Variants in CFAP299 observed in about 807,000 individuals in gnomAD.
CFAP299 encodes the protein cilia and flagella associated protein 299.
In CFAP299, 21 loss-of-function variants were observed where a neutral mutation model predicts 27.0. The observed-to-expected ratio is 0.78, with a 90% CI of 0.55 to 1.12. The LOEUF (loss-of-function observed/expected upper bound fraction) is 1.12. CFAP299 is among the 50% of genes most tolerant of loss of function. CFAP299 has a pLI of 0.00. For synonymous variants in CFAP299, 104 were observed against 98.1 expected (o/e 1.06, Z -0.36); for missense variants, 310 against 276.6 (o/e 1.12, Z -0.86).
intron 2 of CFAP299, among the ~76,000 whole-genome samples, chr4:80,450,189 T>C (rs1034447106): frequency 1.3e-5 from 2 of 152,184 alleles, no homozygotes; most frequent in Non-Finnish European, 2.9e-5. Context: ...AGATACCTCA[T>C]ATAACTGCGA....
Position 80,661,775 on chromosome 4 carries a change from A to G in CFAP299, c.333+78592A>G, listed in dbSNP as rs551387452. Among the ~76,000 whole-genome samples the G allele has an allele frequency of 2.5e-3, 388 of 152,338 alleles. 3 individuals carry two copies. The highest frequency in any genetic ancestry group is 9.0e-3 in the African/African-American group (375 of 41,586). On this transcript the variant is annotated intron_variant, in intron 3 of 5. Coordinates refer to ENST00000358105, the MANE Select transcript of CFAP299 (RefSeq NM_152770.3). ...CCTGTGGGCCAGGCAGAACAGAGCC[A>G]TATTTCTCTTCTTTCAAAAGCAAAT...
At chr4:80,387,578 C>T in intron 2 of CFAP299, 1 of 1,105,278 alleles carries the variant, frequency 9.0e-7, no homozygotes, top group East Asian at 2.4e-5. Flanking sequence ...GGGTTCAGGG[C>T]CAAGACCTGT....
intron 3 of CFAP299, among the ~76,000 whole-genome samples, chr4:80,787,350 T>C (rs1042981489): frequency 1.3e-5 from 2 of 151,726 alleles, no homozygotes; most frequent in African/African-American, 4.8e-5. Flanking sequence ...TAAGTTAATC[T>C]GAATCTTAGT....
Position 80,345,265 on chromosome 4 carries a change from T to C in CFAP299, c.111+9386T>C, listed in dbSNP as rs117147155. On this transcript the variant is annotated intron_variant, in intron 1 of 5. Coordinates refer to ENST00000358105, the MANE Select transcript of CFAP299 (RefSeq NM_152770.3). The stretch of plus-strand genomic sequence containing the variant: ...CCCATTGTCCCAGCCCAACAGTTTC[T>C]TTTTGTTATTATTATTATTATTATT... 4.8e-3 allele frequency among the ~76,000 whole-genome samples: 735 copies of C among 152,160 alleles called. 37 individuals are homozygous for C. In the East Asian group the frequency reaches 0.12, roughly 25 times the overall value.
chr4:80,410,758 A>T (rs1031512892), intron 2 of CFAP299, among the ~76,000 whole-genome samples: 1 of 152,190 alleles, frequency 6.6e-6, no homozygotes, highest in Non-Finnish European at 1.5e-5. Context: ...CCTTTCACAG[A>T]TAACGAAATA....
intron 3 of CFAP299, among the ~76,000 whole-genome samples, chr4:80,858,504 G>A (rs1198699710): frequency 6.6e-6 from 1 of 151,988 alleles, no homozygotes; most frequent in African/African-American, 2.4e-5. Context: ...TGATGTTGGG[G>A]TGTCAATTTT....
intron 2 of CFAP299, among the ~76,000 whole-genome samples, chr4:80,428,818 C>A (rs141608580): frequency 2.0e-5 from 3 of 152,012 alleles, no homozygotes; most frequent in East Asian, 3.9e-4. Flanking sequence ...GGATTACAGG[C>A]GTGAGCCACC....
At chr4:80,807,354 C>T (rs1277571598) in intron 3 of CFAP299, among the ~76,000 whole-genome samples, 1 of 151,990 alleles carries the variant, frequency 6.6e-6, no homozygotes, top group Non-Finnish European at 1.5e-5. Flanking sequence ...CGTCGGAATA[C>T]ATTGTGATAA....
chr4:80,797,127 C>T (rs1046073480), intron 3 of CFAP299, among the ~76,000 whole-genome samples: 1 of 152,136 alleles, frequency 6.6e-6, no homozygotes, highest in African/African-American at 2.4e-5. Context: ...CAGTAGTCCT[C>T]AAAATGTCTG....
chr4:80,608,447 A>G (rs2109913257), intron 3 of CFAP299: 4 of 960,346 alleles, frequency 4.2e-6, no homozygotes, highest in South Asian at 2.9e-5. Flanking sequence ...TTCATCCTAC[A>G]TATATACTCC....
At chr4:80,905,224 T>G (rs1735122404) in intron 4 of CFAP299, among the ~76,000 whole-genome samples, 1 of 152,158 alleles carries the variant, frequency 6.6e-6, no homozygotes, top group African/African-American at 2.4e-5. Flanking sequence ...TACTTTACAG[T>G]CAAATATTAT....
chr4:80,693,637 C>T (rs989702531), intron 3 of CFAP299, among the ~76,000 whole-genome samples: 3 of 150,780 alleles, frequency 2.0e-5, no homozygotes, highest in African/African-American at 7.3e-5. Context: ...CACATGTATA[C>T]ATATGTAACT....
At chr4:80,850,395 G>C (rs1242291692) in intron 3 of CFAP299, among the ~76,000 whole-genome samples, 1 of 151,886 alleles carries the variant, frequency 6.6e-6, no homozygotes, top group Non-Finnish European at 1.5e-5. Flanking sequence ...GTTAAAGAAG[G>C]TTCATTTGAG....
chr4:80,626,982 A>G (rs1184137546), intron 3 of CFAP299, among the ~76,000 whole-genome samples: 1 of 151,764 alleles, frequency 6.6e-6, no homozygotes, highest in Admixed American at 6.6e-5. Context: ...TTTCAAACTT[A>G]TTTTATCAGG....
At chr4:80,483,400 T>G (rs546034412) in intron 2 of CFAP299, among the ~76,000 whole-genome samples, 1 of 152,364 alleles carries the variant, frequency 6.6e-6, no homozygotes, top group African/African-American at 2.4e-5. Context: ...TCTTTCTAAT[T>G]AAATTTTACA....
chr4:80,803,757 T>G (rs1368789988), intron 3 of CFAP299, among the ~76,000 whole-genome samples: 1 of 149,900 alleles, frequency 6.7e-6, no homozygotes, highest in East Asian at 1.9e-4. Flanking sequence ...TAACTAAATA[T>G]CTATAAAATA....
chr4:80,460,307 C>A (rs935500043), intron 2 of CFAP299, among the ~76,000 whole-genome samples: 3 of 152,134 alleles, frequency 2.0e-5, no homozygotes, highest in African/African-American at 7.2e-5. Context: ...TTTATTTCAC[C>A]AATGCAGATT....
intron 4 of CFAP299, among the ~76,000 whole-genome samples, chr4:80,890,548 T>A (rs1734216979): frequency 6.6e-6 from 1 of 151,432 alleles, no homozygotes; most frequent in Non-Finnish European, 1.5e-5. Context: ...TATAGCAGCA[T>A]GATTTATAGT....
At chr4:80,564,918 A>G (rs1735207560) in intron 2 of CFAP299, among the ~76,000 whole-genome samples, 1 of 152,188 alleles carries the variant, frequency 6.6e-6, no homozygotes, top group East Asian at 1.9e-4. Context: ...ATAACCACAT[A>G]TAAAATTAAA....
Sources: gnomAD v4.1 joint callset for allele counts (sites outside exome capture counted in the v4.1 genomes callset) on GRCh38, gnomAD v4.1.1 for gene constraint, MANE v1.5 for transcripts, NCBI Gene and HGNC (gene_info 2026-07-23, HGNC 2026-07-21) for gene names.